The following NPIPB11 variants were observed in gnomAD, a reference collection of about 807,000 sequenced individuals.
The protein encoded by NPIPB11 is nuclear pore complex-interacting protein family member B11.
In NPIPB11, 17 loss-of-function variants were observed where a neutral mutation model predicts 32.8. That is an observed-to-expected ratio of 0.52 (90% confidence interval 0.35 to 0.78). The LOEUF (loss-of-function observed/expected upper bound fraction) is 0.78, where lower values mean the gene tolerates loss of function less well. Among genes scored for constraint, NPIPB11 ranks in the 30% least tolerant of loss-of-function variants. The pLI, the probability that NPIPB11 is intolerant of heterozygous loss-of-function variation, is 0.01. For missense variants in NPIPB11, 537 were observed against 1,000.4 expected (o/e 0.54, Z 6.25); for synonymous variants, 209 against 398.4 (o/e 0.52, Z 5.66).
chr16:29,382,925 G>T, exon 8 of NPIPB11: 2 of 570,540 alleles, frequency 3.5e-6, no homozygotes, highest in Non-Finnish European at 6.0e-6. Flanking sequence ...CCCCGCAGAC[G>T]CTCGGCAGGT....
intron 3 of NPIPB11, among the ~76,000 whole-genome samples, chr16:29,393,470 C>T (rs1402139286): frequency 2.6e-5 from 4 of 152,238 alleles, no homozygotes; most frequent in African/African-American, 7.2e-5. Flanking sequence ...ATCAACCACC[C>T]GGCAGTTCTA....
chr16:29,389,551 G>A (rs1387917036), intron 5 of NPIPB11, among the ~76,000 whole-genome samples: 1 of 149,338 alleles, frequency 6.7e-6, no homozygotes, highest in African/African-American at 2.5e-5. Context: ...GTGGGCACCT[G>A]TAATCCCAGC....
chr16:29,399,843 C>G (rs1963946557), intron 2 of NPIPB11, among the ~76,000 whole-genome samples: 1 of 152,092 alleles, frequency 6.6e-6, no homozygotes, highest in South Asian at 2.1e-4. Flanking sequence ...CTTTGGGAGG[C>G]TGAGGCAGGC....
At chr16:29,389,671 A>AAAG in intron 5 of NPIPB11, among the ~76,000 whole-genome samples, 1 of 54,442 alleles carries the variant, frequency 1.8e-5, no homozygotes, top group Admixed American at 1.6e-4. Context: ...ATCTCAGGAA[A>AAAG]AAAAAAAAAA....
intron 5 of NPIPB11, among the ~76,000 whole-genome samples, chr16:29,389,472 G>A (rs1370904492): frequency 1.3e-4 from 19 of 146,408 alleles, no homozygotes; most frequent in Admixed American, 4.1e-4. Flanking sequence ...TCAGAAGTTC[G>A]AGACCAGCCT....
At position 29,402,742 on chromosome 16, in the gene NPIPB11, GT is replaced by G. The variant is rs1567276682; in HGVS notation, c.120+940del. ...TCTCTCTCTGTGTGTGTGTGTGTGT[GT>G]GTGTGTGTGTGTGTGTGTGTGTATC... On this transcript the variant is annotated intron_variant, in intron 2 of 7. Transcript: ENST00000524087. 1.4e-3 allele frequency among the ~76,000 whole-genome samples: 214 copies of G among 150,454 alleles called. 2 individuals carry two copies. The highest frequency in any genetic ancestry group is 5.1e-3 in the African/African-American group (205 of 40,514).
At chr16:29,406,654 C>T (rs1016607312), upstream of NPIPB11, among the ~76,000 whole-genome samples, 8 of 151,762 alleles carry the variant, frequency 5.3e-5, no homozygotes, top group South Asian at 2.1e-4. Flanking sequence ...GCGGAGGTTG[C>T]AGTGAGCCGA....
At chr16:29,402,710 C>CTT (rs1964021381) in intron 2 of NPIPB11, among the ~76,000 whole-genome samples, 1 of 123,198 alleles carries the variant, frequency 8.1e-6, no homozygotes, top group Non-Finnish European at 1.6e-5. Context: ...CTCTCTCTCT[C>CTT]TCTCTCTCTC....
At chr16:29,397,232 G>A (rs918686579) in intron 2 of NPIPB11, among the ~76,000 whole-genome samples, 1 of 149,492 alleles carries the variant, frequency 6.7e-6, no homozygotes, top group African/African-American at 2.5e-5. Flanking sequence ...CTTTGTTTTG[G>A]TCCACTTTGT....
intron 5 of NPIPB11, among the ~76,000 whole-genome samples, chr16:29,389,241 T>C (rs1190075540): frequency 6.7e-6 from 1 of 148,556 alleles, no homozygotes; most frequent in East Asian, 2.0e-4. Flanking sequence ...GGCACACAGC[T>C]GTAATCCAAG....
rs865887794 is a variant in NPIPB11 at position 29,395,023 on chromosome 16, G to C, written c.121-947C>G. On this transcript the variant is annotated intron_variant, in intron 2 of 7. Transcript: ENST00000524087. ...AGCCTCCCAAAGTGCTGGGATTACA[G>C]GCATGAGCCACTGTACCTGGCCAAA... 5.7e-3 allele frequency among the ~76,000 whole-genome samples: 824 copies of C among 143,476 alleles called. 7 individuals carry two copies. Among genetic ancestry groups the C allele is most frequent in the African/African-American group, 0.017 (659 of 37,904 alleles). The allele number at this position is 143,476 out of a possible 152,430, so 94.1% of individuals were successfully genotyped here.
intron 3 of NPIPB11, 122 bp from the exon 4 acceptor site, chr16:29,390,470 T>C (rs537116581): frequency 9.4e-5 from 139 of 1,475,620 alleles, no homozygotes; most frequent in Non-Finnish European, 1.3e-4. Context: ...CTGGCCAAGA[T>C]GGTGAAACCC....
In NPIPB11 at chr16:29,382,380, G is replaced by C. The variant is rs17853581; in HGVS notation, c.2552C>G (p.Ser851Ter). The change falls in exon 8 of 8, where the codon TCA becomes TGA. Residue 851 changes from serine (S) to a stop codon, truncating the protein, a stop_gained. Coordinates refer to ENST00000524087, the Ensembl canonical transcript of NPIPB11. LOFTEE classifies it high-confidence loss of function. ...TGAGCTGACGCTCGGAAGGTGTCTTGAGATTATCATCGGCTGAGGGTGGAA... is the reference window on the plus strand; with the variant it reads ...TGAGCTGACGCTCGGAAGGTGTCTTCAGATTATCATCGGCTGAGGGTGGAA... The C allele has an allele frequency of 2.0e-6, 1 of 493,434 alleles. No homozygotes were observed. The highest frequency in any genetic ancestry group is 3.4e-6 in the Non-Finnish European group (1 of 290,416). 30.6% of individuals were successfully genotyped at this position (493,434 alleles called of 1,614,324 possible).
chr16:29,396,045 A>C (rs1196689139), intron 2 of NPIPB11, among the ~76,000 whole-genome samples: 2 of 149,244 alleles, frequency 1.3e-5, no homozygotes, highest in Non-Finnish European at 3.0e-5. Flanking sequence ...GATTTCTCTA[A>C]GATTGTTGAT....
chr16:29,393,433 C>T (rs1009186369), intron 3 of NPIPB11, among the ~76,000 whole-genome samples: 1 of 152,050 alleles, frequency 6.6e-6, no homozygotes, highest in Admixed American at 6.6e-5. Flanking sequence ...ATCTCCCTCT[C>T]CCCTCAGAAG....
At chr16:29,402,722 C>CTGTGTGTGTGTG (rs1245633106) in intron 2 of NPIPB11, among the ~76,000 whole-genome samples, 493 of 113,588 alleles carry the variant, frequency 4.3e-3, no homozygotes, top group East Asian at 0.021. Context: ...CTCTCTCTCT[C>CTGTGTGTGTGTG]TCTGTGTGTG....
upstream of NPIPB11, among the ~76,000 whole-genome samples, chr16:29,405,095 G>A (rs1219195448): frequency 6.7e-6 from 1 of 150,240 alleles, no homozygotes; most frequent in Admixed American, 6.7e-5. Flanking sequence ...GGAGCTTGTA[G>A]CAAGCAGCCT....
intron 5 of NPIPB11, among the ~76,000 whole-genome samples, chr16:29,389,668 GAAAAAAAAA>G (rs1160526743): frequency 4.0e-4 from 7 of 17,290 alleles, no homozygotes; most frequent in South Asian, 3.1e-3. Flanking sequence ...TCCATCTCAG[GAAAAAAAAA>G]AAAAAAAAAA....
At position 29,393,945 on chromosome 16, in the gene NPIPB11, C is replaced by T. The variant is rs1567272952; in HGVS notation, c.249+3G>A. On this transcript the variant is annotated splice_donor_region_variant and intron_variant, in intron 3 of 7. Coordinates refer to ENST00000524087, the Ensembl canonical transcript of NPIPB11. ...TACCTCTACAGAAAGTTAGTATACT[C>T]ACCCAAAGGTAAACTATCCAGAGGG... is the stretch of plus-strand genomic sequence containing the variant. The T allele has an allele frequency of 1.4e-5, 22 of 1,591,980 alleles. No individual in the cohort carries two copies. Among genetic ancestry groups the T allele is most frequent in the Non-Finnish European group, 1.9e-5 (22 of 1,176,516 alleles).
Sources: allele counts gnomAD v4.1 joint callset (sites outside exome capture counted in the v4.1 genomes callset), GRCh38; gene constraint gnomAD v4.1.1; transcripts MANE v1.5; gene names NCBI Gene and HGNC (gene_info 2026-07-23, HGNC 2026-07-21).